MAP2K2: variants seen among roughly 807,000 people sequenced by gnomAD.
MAP2K2 encodes the protein dual specificity mitogen-activated protein kinase kinase 2.
A neutral mutation model predicts 43.7 loss-of-function variants in MAP2K2; 24 were observed. The ratio of observed to expected loss-of-function variants is 0.55; its 90% CI spans 0.40 to 0.77. The LOEUF is 0.77. Among genes scored for constraint, MAP2K2 ranks in the 30% least tolerant of loss-of-function variants. The pLI, the probability that MAP2K2 is intolerant of heterozygous loss-of-function variation, is 0.00. For missense variants in MAP2K2, 470 were observed against 566.8 expected, an observed-to-expected ratio of 0.83 and a Z score of 1.73; for synonymous variants, 244 against 239.7, an observed-to-expected ratio of 1.02 and a Z score of -0.17.
chr19:4,123,604 G>A (rs1316615972), intron 1 of MAP2K2, among the ~76,000 whole-genome samples, 180 bp downstream of exon 1: 6 of 87,418 alleles, frequency 6.9e-5, no homozygotes, highest in African/African-American at 1.2e-4. Flanking sequence ...CTCCCCCGAG[G>A]GTCCCCTGCC....
At chr19:4,117,659 C>A (rs2145081072) in intron 1 of MAP2K2, 30 bp from the exon 2 acceptor site, 5 of 1,605,258 alleles carry the variant, frequency 3.1e-6, no homozygotes, top group Non-Finnish European at 4.3e-6. Flanking sequence ...TAGGGGTTAG[C>A]TACCTAGGGA....
chr19:4,103,338 C>T, intron 3 of MAP2K2: 1 of 855,932 alleles, frequency 1.2e-6, no homozygotes, highest in Non-Finnish European at 1.4e-6. Flanking sequence ...GGGACCAAAA[C>T]CCCCAAATGC....
At position 4,099,229 on chromosome 19, in the gene MAP2K2, C is replaced by T. The variant is rs1227065691; in HGVS notation, c.891G>A (p.Arg297=). ...EEGEPHSISP[R]PRPPGRPVSG... Reference sequence around the variant, plus strand: ...TGACGGGGCGCCCGGGGGGCCTCGGCCGAGGCGAGATGCTGTGAGGCTCTC... The same window carrying T: ...TGACGGGGCGCCCGGGGGGCCTCGGTCGAGGCGAGATGCTGTGAGGCTCTC... The change falls in exon 7 of 11, where the codon CGG becomes CGA. Residue 297 remains arginine (R), a synonymous_variant. Coordinates refer to ENST00000262948, the MANE Select transcript of MAP2K2 (RefSeq NM_030662.4). 1 of 1,604,182 alleles carries T rather than the reference C, an allele frequency of 6.2e-7. No homozygotes were observed. The highest frequency in any genetic ancestry group is 1.1e-5 in the South Asian group (1 of 89,908).
Position 4,102,814 on chromosome 19 carries a change from T to C in MAP2K2, c.451-361A>G, listed in dbSNP as rs529550084. ...TGTGGGGCCCGCACTCCCTGCAGCC[T>C]ACGTGGTGGGCTTGTCTGTGCGCCA... On this transcript the variant is annotated intron_variant, in intron 3 of 10. Transcript: ENST00000262948. The C allele has an allele frequency of 1.2e-4, 142 of 1,223,318 alleles. No homozygotes were observed. In the African/African-American group the frequency reaches 1.8e-3, roughly 16 times the overall value. The allele number at this position is 1,223,318 out of a possible 1,614,324, so 75.8% of individuals were successfully genotyped here. A position where few individuals can be genotyped will look rare whatever the true frequency, so the allele number is the denominator to read the frequency against.
chr19:4,112,161 A>G (rs996888035), intron 2 of MAP2K2, among the ~76,000 whole-genome samples: 1 of 152,222 alleles, frequency 6.6e-6, no homozygotes, highest in African/African-American at 2.4e-5. Flanking sequence ...GTTTCCACTC[A>G]TCCGCCACAG....
At chr19:4,119,437 C>T (rs1242849889) in intron 1 of MAP2K2, among the ~76,000 whole-genome samples, 1 of 152,104 alleles carries the variant, frequency 6.6e-6, no homozygotes, top group Non-Finnish European at 1.5e-5. Flanking sequence ...GGTCAGGCTG[C>T]TCTTGAATTC....
intron 1 of MAP2K2, among the ~76,000 whole-genome samples, chr19:4,119,704 C>A (rs573785850): frequency 1.3e-5 from 2 of 152,316 alleles, no homozygotes; most frequent in East Asian, 1.9e-4. Context: ...TTATGTGTTG[C>A]CTGTAGCCAG....
At chr19:4,110,475 G>A (rs1555697984) in intron 3 of MAP2K2, 34 bp downstream of exon 3, 2 of 1,610,266 alleles carry the variant, frequency 1.2e-6, no homozygotes, top group Non-Finnish European at 1.7e-6. Flanking sequence ...TTCCGTGGAG[G>A]CCCTGCCCCT....
intron 9 of MAP2K2, chr19:4,095,010 C>T: frequency 2.8e-6 from 1 of 358,590 alleles, no homozygotes; most frequent in Non-Finnish European, 5.2e-6. Context: ...TGCTTGGGGG[C>T]AGGAGAATGG....
chr19:4,107,523 CAAAAAAAAA>C (rs71166959), intron 3 of MAP2K2, among the ~76,000 whole-genome samples: 4 of 59,320 alleles, frequency 6.7e-5, no homozygotes, highest in Non-Finnish European at 1.2e-4. Flanking sequence ...GACTCCGTCT[CAAAAAAAAA>C]AAAAAAAAAA....
intron 10 of MAP2K2, among the ~76,000 whole-genome samples, chr19:4,092,045 G>C (rs1410399167): frequency 1.3e-5 from 2 of 152,186 alleles, no homozygotes; most frequent in African/African-American, 4.8e-5. Context: ...TGGGGGAGGA[G>C]GGCGGGTGCC....
chr19:4,098,528 C>G (rs960613646), intron 7 of MAP2K2, among the ~76,000 whole-genome samples: 1 of 152,204 alleles, frequency 6.6e-6, no homozygotes, highest in Non-Finnish European at 1.5e-5. Flanking sequence ...TCACAGGACC[C>G]TCCTGTGATT....
At chr19:4,103,356 C>G (rs924080953) in intron 3 of MAP2K2, 24 of 750,200 alleles carry the variant, frequency 3.2e-5, no homozygotes, top group Non-Finnish European at 3.9e-5. Context: ...TGCCAAAACC[C>G]CAGGCACTGG....
intron 4 of MAP2K2, among the ~76,000 whole-genome samples, 183 bp downstream of exon 4, chr19:4,102,193 G>A (rs889321110): frequency 2.0e-5 from 3 of 152,192 alleles, no homozygotes; most frequent in East Asian, 1.9e-4. Context: ...GTGACCTCAG[G>A]CCCCAAAAGG....
intron 2 of MAP2K2, among the ~76,000 whole-genome samples, chr19:4,114,981 G>A (rs1392284019): frequency 6.6e-6 from 1 of 152,042 alleles, no homozygotes; most frequent in East Asian, 1.9e-4. Context: ...AATGAAAGGA[G>A]CCCTTGCAGC....
At chr19:4,096,630 C>G (rs536674913) in intron 8 of MAP2K2, among the ~76,000 whole-genome samples, 1 of 152,356 alleles carries the variant, frequency 6.6e-6, no homozygotes, top group South Asian at 2.1e-4. Flanking sequence ...ACAGGTCCTT[C>G]TAGGCTCTCT....
In MAP2K2 at chr19:4,099,251, T is replaced by C. The variant is rs2145049780; in HGVS notation, c.869A>G (p.Glu290Gly). Residue 290 changes from glutamate (E) to glycine (G), a missense_variant, in exon 7 of 11, where the codon GAG becomes GGG. Glu to Gly is a moderately conservative substitution (Grantham distance 98). This residue lies in a region of MAP2K2 where 212 missense variants were observed against 220.8 expected (regional missense o/e 0.96). Transcript: ENST00000262948. ...CGGCCGAGGCGAGATGCTGTGAGGCTCTCCTTCTTCCCCGTCGACCACGGG... is the reference window on the plus strand; with the variant it reads ...CGGCCGAGGCGAGATGCTGTGAGGCCCTCCTTCTTCCCCGTCGACCACGGG... The part of the protein sequence containing the change: ...GRPVVDGEEG[E>G]PHSISPRPRP... 6.2e-7 allele frequency: 1 copy of C among 1,606,108 alleles called. No individual in the cohort carries two copies. The highest frequency in any genetic ancestry group is 1.1e-5 in the South Asian group (1 of 90,010).
intron 10 of MAP2K2, 128 bp downstream of exon 10, chr19:4,094,325 C>G (rs1011450640): frequency 2.0e-6 from 2 of 1,019,902 alleles, no homozygotes; most frequent in Non-Finnish European, 3.0e-6. Context: ...CCTGGCACAC[C>G]CGGCCTGCCC....
chr19:4,102,249 C>T (rs958151944), intron 4 of MAP2K2, 127 bp downstream of exon 4: 6 of 812,028 alleles, frequency 7.4e-6, no homozygotes, highest in Admixed American at 4.0e-5. Context: ...CAGCCTTGGC[C>T]ACTCTCTTTC....
Sources: gnomAD v4.1 joint callset for allele counts (sites outside exome capture counted in the v4.1 genomes callset) on GRCh38, gnomAD v4.1.1 for gene constraint, gnomAD v4.1.1 regional missense constraint, MANE v1.5 for transcripts, NCBI Gene and HGNC (gene_info 2026-07-23, HGNC 2026-07-21) for gene names.